Variants in TEX14 observed in about 807,000 individuals in gnomAD.
The protein encoded by TEX14 is testis expressed 14, intercellular bridge forming factor.
Under a neutral mutation model 178.6 loss-of-function variants are expected in TEX14, and 168 were observed. The observed-to-expected ratio is 0.94, with a 90% confidence interval of 0.83 to 1.07. The LOEUF (loss-of-function observed/expected upper bound fraction) is 1.07. Ranked by LOEUF, TEX14 falls within the 50% of genes least tolerant of loss-of-function variation. The probability of loss-of-function intolerance (pLI) is 0.00; values close to 1 mark genes in which losing one functional copy is unlikely to be tolerated. For missense variants in TEX14, 1,730 were observed against 1,753.6 expected (o/e 0.99, Z 0.24); for synonymous variants, 626 against 634.1 (o/e 0.99, Z 0.19).
intron 13 of TEX14, 48 bp downstream of exon 13, chr17:58,601,758 A>G: frequency 6.4e-7 from 1 of 1,574,142 alleles, no homozygotes; most frequent in Non-Finnish European, 8.7e-7. Flanking sequence ...TGTGACTCTC[A>G]GAACACATTT....
intron 1 of TEX14, among the ~76,000 whole-genome samples, chr17:58,670,692 G>A (rs1402039858): frequency 7.3e-6 from 1 of 136,134 alleles, no homozygotes; most frequent in Non-Finnish European, 1.5e-5. Flanking sequence ...ATAATTGCTT[G>A]AACCCGGGAG....
At chr17:58,672,129 A>C (rs1293003103) in intron 1 of TEX14, among the ~76,000 whole-genome samples, 1 of 152,162 alleles carries the variant, frequency 6.6e-6, no homozygotes, top group Non-Finnish European at 1.5e-5. Context: ...TGCTCAGTTC[A>C]CAATAGGTTT....
chr17:58,573,823 AGAG>A (rs1438868218), intron 22 of TEX14, among the ~76,000 whole-genome samples: 1 of 152,136 alleles, frequency 6.6e-6, no homozygotes, highest in East Asian at 1.9e-4. Flanking sequence ...CTGGCACCAT[AGAG>A]ACTTTCTTTG....
rs189002509 is a variant in TEX14 at position 58,574,087 on chromosome 17, C to T, written c.3383+100G>A. 9.4e-5 allele frequency: 90 copies of T among 953,734 alleles called. No individual in the cohort carries two copies. In the African/African-American group the frequency reaches 1.3e-3, roughly 13 times the overall value. The allele number at this position is 953,734 out of a possible 1,614,324, so 59.1% of individuals were successfully genotyped here. ...AAGCAGCATACTCACATTAAGTCTA[C>T]ACGTAAAAATGGAAAGATCCTTACA... is the stretch of plus-strand genomic sequence containing the variant. On this transcript the variant is annotated intron_variant, in intron 22 of 31. Coordinates refer to ENST00000349033, the MANE Select transcript of TEX14 (RefSeq NM_031272.5).
intron 31 of TEX14, 148 bp from the exon 32 acceptor site, chr17:58,557,195 C>G: frequency 1.5e-6 from 1 of 684,504 alleles, no homozygotes; most frequent in Non-Finnish European, 2.6e-6. Flanking sequence ...TTATAACCAA[C>G]AGTGTGTCAT....
intron 10 of TEX14, among the ~76,000 whole-genome samples, chr17:58,608,842 G>A (rs2045677813): frequency 6.6e-6 from 1 of 152,220 alleles, no homozygotes; most frequent in African/African-American, 2.4e-5. Context: ...GCAGAGAGCA[G>A]TGTAGTAAAA....
At position 58,604,480 on chromosome 17, in the gene TEX14, AAAAAAT is replaced by A. The variant is rs1356941633; in HGVS notation, c.1336+492_1336+497del. Reference sequence around the variant, plus strand: ...AGCAAGACTCTGTCTCAAAAAAAATAAAAAATAAAAATAAAAATAAATTTTTTTAGT... The same window carrying A: ...AGCAAGACTCTGTCTCAAAAAAAATAAAAAATAAAAATAAATTTTTTTAGT... On this transcript the variant is annotated intron_variant, in intron 11 of 31. Transcript: ENST00000349033. Among the ~76,000 whole-genome samples, 483 of 151,372 alleles carry A rather than the reference AAAAAAT, an allele frequency of 3.2e-3. 3 individuals are homozygous for A. The highest frequency in any genetic ancestry group is 5.0e-3 in the Non-Finnish European group (337 of 67,942).
chr17:58,627,339 AT>A (rs770766424), intron 3 of TEX14, among the ~76,000 whole-genome samples: 10 of 152,118 alleles, frequency 6.6e-5, no homozygotes, highest in East Asian at 3.8e-4. Flanking sequence ...TTTTATCTGT[AT>A]TTTTTTATAC....
intron 1 of TEX14, among the ~76,000 whole-genome samples, chr17:58,688,446 C>T (rs1473497870): frequency 6.6e-6 from 1 of 152,124 alleles, no homozygotes; most frequent in Non-Finnish European, 1.5e-5. Context: ...TAAAAAACGT[C>T]TCAGCATTAG....
At chr17:58,631,609 C>G (rs561343449) in intron 2 of TEX14, 11 of 148,208 alleles carry the variant, frequency 7.4e-5, no homozygotes, top group East Asian at 5.8e-4. Context: ...AAACCAACTA[C>G]TATTAACATC....
At chr17:58,607,311 C>T (rs1167776368) in intron 10 of TEX14, among the ~76,000 whole-genome samples, 2 of 152,188 alleles carry the variant, frequency 1.3e-5, no homozygotes, top group Admixed American at 6.6e-5. Context: ...TAGACATTCA[C>T]AGACCCTTGG....
chr17:58,633,382 G>A (rs1387663135), intron 2 of TEX14, among the ~76,000 whole-genome samples: 3 of 152,148 alleles, frequency 2.0e-5, no homozygotes, highest in Admixed American at 6.6e-5. Flanking sequence ...ACCTAATAAT[G>A]AATAAATCCA....
At chr17:58,599,754 GT>G in intron 13 of TEX14, 88 bp from the exon 14 acceptor site, 1 of 940,278 alleles carries the variant, frequency 1.1e-6, no homozygotes, top group Non-Finnish European at 1.5e-6. Context: ...GGCAAAGACT[GT>G]CAAAAAAAAA....
intron 5 of TEX14, among the ~76,000 whole-genome samples, chr17:58,619,065 G>A (rs1272273150): frequency 2.0e-5 from 3 of 152,188 alleles, no homozygotes; most frequent in East Asian, 3.8e-4. Context: ...ACAGTGGACC[G>A]TTTCTTGCCC....
chr17:58,677,492 G>T (rs1179464860), intron 1 of TEX14: 1 of 152,130 alleles, frequency 6.6e-6, no homozygotes, highest in East Asian at 1.9e-4. Context: ...TAAAGACACA[G>T]TTCACAAGAA....
At chr17:58,590,070 G>C (rs1876693196) in intron 15 of TEX14, among the ~76,000 whole-genome samples, 1 of 151,944 alleles carries the variant, frequency 6.6e-6, no homozygotes, top group Admixed American at 6.5e-5. Flanking sequence ...AGACCATCCT[G>C]GACAACATGG....
intron 10 of TEX14, among the ~76,000 whole-genome samples, chr17:58,609,379 G>T (rs2045692856): frequency 6.6e-6 from 1 of 152,220 alleles, no homozygotes; most frequent in Non-Finnish European, 1.5e-5. Flanking sequence ...AAAGTGCTGG[G>T]ATTACAGGCA....
Position 58,599,269 on chromosome 17 carries a change from G to A in TEX14, c.2076C>T (p.Asp692=), listed in dbSNP as rs1476463046. The A allele has an allele frequency of 6.2e-7, 1 of 1,613,430 alleles. No homozygotes were observed. Among genetic ancestry groups the A allele is most frequent in the Non-Finnish European group, 8.5e-7 (1 of 1,180,020 alleles). The change falls in exon 14 of 32, where the codon GAC becomes GAT. Residue 692 remains aspartate (D), a synonymous_variant. Coordinates refer to ENST00000349033, the MANE Select transcript of TEX14 (RefSeq NM_031272.5). ...SKAETEYSFD[D]WDWQNGSLSS... Reference sequence around the variant, plus strand: ...TGAGTGAACCGTTTTGCCAGTCCCAGTCATCAAAAGAGTACTCTGTCTCAG... The same window carrying A: ...TGAGTGAACCGTTTTGCCAGTCCCAATCATCAAAAGAGTACTCTGTCTCAG...
intron 2 of TEX14, among the ~76,000 whole-genome samples, chr17:58,632,318 T>G (rs1167376190): frequency 6.6e-6 from 1 of 152,262 alleles, no homozygotes; most frequent in African/African-American, 2.4e-5. Context: ...AAATATTTTG[T>G]ATTTCTTCCC....
Sources: gnomAD v4.1 joint callset for allele counts (sites outside exome capture counted in the v4.1 genomes callset) on GRCh38, gnomAD v4.1.1 for gene constraint, MANE v1.5 for transcripts, NCBI Gene and HGNC (gene_info 2026-07-23, HGNC 2026-07-21) for gene names.